Variants in USH2A observed in about 807,000 individuals in gnomAD.
USH2A encodes usherin.
Under a neutral mutation model 538.9 loss-of-function variants are expected in USH2A, and 443 were observed. The ratio of observed to expected loss-of-function variants is 0.82; its 90% CI spans 0.76 to 0.89. USH2A has a LOEUF of 0.89. USH2A is among the 40% of genes least tolerant of loss of function. The pLI, the probability that USH2A is intolerant of heterozygous loss-of-function variation, is 0.00. For synonymous variants in USH2A, 2,413 were observed against 2,273.5 expected (o/e 1.06, Z -1.75); for missense variants, 6,633 against 6,324.8 (o/e 1.05, Z -1.65).
At chr1:215,764,210 G>T (rs1661063174) in intron 56 of USH2A, among the ~76,000 whole-genome samples, 1 of 152,052 alleles carries the variant, frequency 6.6e-6, no homozygotes, top group Non-Finnish European at 1.5e-5. Context: ...TTCCAGAAGA[G>T]CCTGGGTGCT....
chr1:215,900,893 A>G lies in USH2A; in HGVS notation c.7313T>C (p.Val2438Ala), dbSNP rs757913385. 5 of 1,613,570 alleles carry G rather than the reference A, an allele frequency of 3.1e-6. No individual in the cohort carries two copies. The highest frequency in any genetic ancestry group is 1.7e-6 in the Non-Finnish European group (2 of 1,179,678). ...GGCAGATGAAAGCCTGGGAGGCAGC[A>G]CGCCATCTGGAGCTGTCGAAAAACA... is the stretch of plus-strand genomic sequence containing the variant. ...IAMPPGAPDG[V>A]LPPRLSSATP... Residue 2438 changes from valine (V) to alanine (A), a missense_variant, in exon 39 of 72, where the codon GTG becomes GCG. Physicochemically the swap from Val to Ala is moderately conservative, Grantham distance 64. Coordinates refer to ENST00000307340, the MANE Select transcript of USH2A (RefSeq NM_206933.4).
intron 44 of USH2A, among the ~76,000 whole-genome samples, chr1:215,852,623 T>C (rs1664047459): frequency 6.6e-6 from 1 of 152,084 alleles, no homozygotes; most frequent in Non-Finnish European, 1.5e-5. Flanking sequence ...GCCTATGAGC[T>C]TGTAAAATCA....
At chr1:215,760,613 C>T (rs971425233) in intron 56 of USH2A, among the ~76,000 whole-genome samples, 2 of 152,126 alleles carry the variant, frequency 1.3e-5, no homozygotes, top group Non-Finnish European at 2.9e-5. Flanking sequence ...CAAAACAGAA[C>T]TCTTGTTTTT....
intron 3 of USH2A, among the ~76,000 whole-genome samples, chr1:216,415,862 A>G (rs576529722): frequency 1.3e-5 from 2 of 152,090 alleles, no homozygotes; most frequent in African/African-American, 4.8e-5. Flanking sequence ...AGTAATCAGT[A>G]CATTCCTTTT....
At chr1:215,835,025 G>T (rs1287324159) in intron 47 of USH2A, among the ~76,000 whole-genome samples, 1 of 151,094 alleles carries the variant, frequency 6.6e-6, no homozygotes, top group East Asian at 1.9e-4. Context: ...AAGTATGCTG[G>T]TTTTGTTTTA....
chr1:216,108,250 A>G (rs1341403437), intron 21 of USH2A, among the ~76,000 whole-genome samples: 1 of 151,872 alleles, frequency 6.6e-6, no homozygotes, highest in East Asian at 1.9e-4. Flanking sequence ...TATAGAATTG[A>G]GATTGGTGTT....
At chr1:216,273,822 A>T (rs1017525478) in intron 11 of USH2A, among the ~76,000 whole-genome samples, 1 of 151,782 alleles carries the variant, frequency 6.6e-6, no homozygotes, top group Non-Finnish European at 1.5e-5. Flanking sequence ...AGAAAAAAAA[A>T]AAAAAACAAA....
At chr1:216,037,807 G>GT (rs34447404) in intron 32 of USH2A, among the ~76,000 whole-genome samples, 65,297 of 146,942 alleles carry the variant, frequency 0.44, 16,341 homozygotes, top group East Asian at 0.74. Flanking sequence ...GTACCCATTA[G>GT]TTTTTTTTTT....
intron 58 of USH2A, among the ~76,000 whole-genome samples, chr1:215,744,643 G>C (rs1195081961): frequency 6.6e-6 from 1 of 152,168 alleles, no homozygotes; most frequent in Non-Finnish European, 1.5e-5. Flanking sequence ...ATGAAATGTG[G>C]TTTTGCTTTT....
At chr1:216,303,684 G>A (rs926358907) in intron 9 of USH2A, among the ~76,000 whole-genome samples, 1 of 151,840 alleles carries the variant, frequency 6.6e-6, no homozygotes, top group African/African-American at 2.4e-5. Context: ...TTGTTAGCCT[G>A]AATCATTTGT....
chr1:216,229,775 C>T (rs972231850), intron 14 of USH2A, among the ~76,000 whole-genome samples: 1 of 152,144 alleles, frequency 6.6e-6, no homozygotes, highest in Non-Finnish European at 1.5e-5. Flanking sequence ...TGCAGAGTGA[C>T]AGGTGATGGA....
intron 32 of USH2A, among the ~76,000 whole-genome samples, chr1:216,018,417 A>G (rs1382821583): frequency 6.6e-6 from 1 of 152,166 alleles, no homozygotes; most frequent in Non-Finnish European, 1.5e-5. Context: ...CCTCCCCTCA[A>G]TGGAGGAACA....
chr1:216,152,365 G>A (rs1035503818), intron 21 of USH2A, among the ~76,000 whole-genome samples: 5 of 151,982 alleles, frequency 3.3e-5, no homozygotes, highest in Admixed American at 2.0e-4. Context: ...GTAAATGGCC[G>A]GTCCTTGCCT....
intron 20 of USH2A, among the ~76,000 whole-genome samples, chr1:216,177,954 G>A (rs1410496639): frequency 6.6e-6 from 1 of 152,058 alleles, no homozygotes; most frequent in Non-Finnish European, 1.5e-5. Flanking sequence ...ATTTACACCT[G>A]TGTTAACACA....
At chr1:216,403,682 G>T (rs1288223718) in intron 3 of USH2A, among the ~76,000 whole-genome samples, 3 of 152,092 alleles carry the variant, frequency 2.0e-5, no homozygotes, top group African/African-American at 7.2e-5. Context: ...TCACCAAAAA[G>T]AAAATGAAAC....
chr1:215,787,451 A>G (rs1025433022), intron 51 of USH2A, among the ~76,000 whole-genome samples: 1 of 152,162 alleles, frequency 6.6e-6, no homozygotes, highest in African/African-American at 2.4e-5. Flanking sequence ...CATTGTAATT[A>G]TAATTATTTA....
chr1:216,324,124 TAACC>T, intron 7 of USH2A, 40 bp downstream of exon 7: 1 of 1,588,552 alleles, frequency 6.3e-7, no homozygotes. Flanking sequence ...ACATTATTAA[TAACC>T]AATCAGTCTA....
chr1:215,937,671 G>C (rs1666539782), intron 37 of USH2A, among the ~76,000 whole-genome samples: 1 of 152,098 alleles, frequency 6.6e-6, no homozygotes. Flanking sequence ...AAAAAGGTCA[G>C]CTTGTCCTAT....
chr1:216,250,872 A>T (rs758635334), intron 12 of USH2A, 31 bp downstream of exon 12: 4 of 1,608,828 alleles, frequency 2.5e-6, no homozygotes, highest in Non-Finnish European at 3.4e-6. Flanking sequence ...GGTAATAGAG[A>T]TGTGACTGTA....
Sources: gnomAD v4.1 joint callset for allele counts (sites outside exome capture counted in the v4.1 genomes callset) on GRCh38, gnomAD v4.1.1 for gene constraint, MANE v1.5 for transcripts, NCBI Gene and HGNC (gene_info 2026-07-23, HGNC 2026-07-21) for gene names.